Variants in RNF170 observed in about 807,000 individuals in gnomAD.
RNF170 encodes E3 ubiquitin-protein ligase RNF170.
In RNF170, 12 loss-of-function variants were observed where a neutral mutation model predicts 32.7. That is an observed-to-expected ratio of 0.37 (90% confidence interval 0.24 to 0.60). The LOEUF (loss-of-function observed/expected upper bound fraction) is 0.60. Among genes scored for constraint, RNF170 ranks in the 20% least tolerant of loss-of-function variants. RNF170 has a pLI of 0.72. For missense variants in RNF170, 212 were observed against 311.2 expected, an observed-to-expected ratio of 0.68 and a Z score of 2.40; for synonymous variants, 91 against 103.6, an observed-to-expected ratio of 0.88 and a Z score of 0.74.
Position 42,853,648 on chromosome 8 carries a change from G to A in RNF170, c.*2511C>T, listed in dbSNP as rs778109233. 17 of 1,285,390 alleles carry A rather than the reference G, an allele frequency of 1.3e-5. No individual in the cohort carries two copies. In the East Asian group the frequency reaches 7.8e-4, roughly 59 times the overall value. 79.6% of individuals were successfully genotyped at this position (1,285,390 alleles called of 1,614,324 possible). ...TCCAAATTGTTACTTTGATTTATAT[G>A]ATCTAACTCTGAATCACGGAAGTAT... On this transcript the variant is annotated 3_prime_UTR_variant, in exon 7 of 7. Coordinates refer to ENST00000527424, the MANE Select transcript of RNF170 (RefSeq NM_030954.4).
chr8:42,854,641 GA>G lies in RNF170; in HGVS notation c.*1517del. Reference sequence around the variant, plus strand: ...GGTAGCTGATCTGATTAGCTAGAGAGAATGTGACAGATTTTCTCCTTATCTC... The same window carrying G: ...GGTAGCTGATCTGATTAGCTAGAGAGATGTGACAGATTTTCTCCTTATCTC... On this transcript the variant is annotated 3_prime_UTR_variant, in exon 7 of 7. Coordinates refer to ENST00000527424, the MANE Select transcript of RNF170 (RefSeq NM_030954.4). The G allele has an allele frequency of 7.8e-7, 1 of 1,287,062 alleles. No homozygotes were observed. The highest frequency in any genetic ancestry group is 1.0e-6 in the Non-Finnish European group (1 of 988,540). 79.7% of individuals were successfully genotyped at this position (1,287,062 alleles called of 1,614,324 possible). A position where few individuals can be genotyped will look rare whatever the true frequency, so the allele number is the denominator to read the frequency against.
chr8:42,893,619 C>T (rs186075110), intron 1 of RNF170, among the ~76,000 whole-genome samples: 18 of 152,278 alleles, frequency 1.2e-4, no homozygotes, highest in Non-Finnish European at 2.1e-4. Context: ...GAAGGTAAGG[C>T]ATTTAGCATA....
intron 5 of RNF170, among the ~76,000 whole-genome samples, chr8:42,863,297 C>T (rs747545510): frequency 2.0e-5 from 3 of 152,088 alleles, no homozygotes; most frequent in Non-Finnish European, 4.4e-5. Context: ...CTACTGTACA[C>T]ATGTCCTATG....
intron 1 of RNF170, among the ~76,000 whole-genome samples, chr8:42,892,896 A>C (rs1806429790): frequency 6.6e-6 from 1 of 152,100 alleles, no homozygotes; most frequent in Admixed American, 6.6e-5. Flanking sequence ...CTGAGGCATG[A>C]GAATTGCTTG....
chr8:42,873,293 C>CA (rs397891337), intron 3 of RNF170, among the ~76,000 whole-genome samples: 4,176 of 69,832 alleles, frequency 0.06, 105 homozygotes, highest in African/African-American at 0.14. Flanking sequence ...CTCTTTTTTA[C>CA]AAAAAAAAAA....
At chr8:42,859,696 TG>T (rs1396304459) in intron 6 of RNF170, among the ~76,000 whole-genome samples, 5 of 151,994 alleles carry the variant, frequency 3.3e-5, no homozygotes, top group African/African-American at 1.2e-4. Context: ...TCACCCAGGC[TG>T]GAGTGCAGTG....
At chr8:42,863,301 T>C (rs553559020) in intron 5 of RNF170, among the ~76,000 whole-genome samples, 110 of 152,232 alleles carry the variant, frequency 7.2e-4, no homozygotes, top group African/African-American at 2.6e-3. Context: ...TGTACACATG[T>C]CCTATGAAAA....
chr8:42,885,672 T>C (rs187116178), intron 2 of RNF170, among the ~76,000 whole-genome samples: 13 of 152,348 alleles, frequency 8.5e-5, no homozygotes, highest in Admixed American at 5.9e-4. Flanking sequence ...TGATTAGTAA[T>C]GTTGAGCATT....
At position 42,896,592 on chromosome 8, in the gene RNF170, C is replaced by T. The variant is rs1336994486; in HGVS notation, c.-116G>A. 2.2e-6 allele frequency: 1 copy of T among 453,850 alleles called. No homozygotes were observed. Among genetic ancestry groups the T allele is most frequent in the Non-Finnish European group, 4.4e-6 (1 of 226,696 alleles). The allele number at this position is 453,850 out of a possible 1,614,324, so 28.1% of individuals were successfully genotyped here. On this transcript the variant is annotated 5_prime_UTR_variant, in exon 1 of 7. Transcript: ENST00000527424. ...GGGCAACCCACTAGACGTCCCCTTT[C>T]TAATTTGGAGTGCGGGTGCGGGCGC...
At chr8:42,882,013 G>A (rs1487638300) in intron 2 of RNF170, among the ~76,000 whole-genome samples, 1 of 152,084 alleles carries the variant, frequency 6.6e-6, no homozygotes, top group African/African-American at 2.4e-5. Context: ...ACTCAGTAGG[G>A]AAATACAAAT....
chr8:42,851,239 G>A (rs1168860248), downstream of RNF170, among the ~76,000 whole-genome samples: 1 of 152,066 alleles, frequency 6.6e-6, no homozygotes, highest in Non-Finnish European at 1.5e-5. Context: ...TGGTAGAAAT[G>A]CCAGGGCTTG....
At chr8:42,878,275 G>T (rs1805109904) in intron 2 of RNF170, among the ~76,000 whole-genome samples, 1 of 152,170 alleles carries the variant, frequency 6.6e-6, no homozygotes. Flanking sequence ...AAATGATTAA[G>T]CTTTGTGAAA....
chr8:42,856,507 T>G lies in RNF170; in HGVS notation c.508-79A>C, dbSNP rs888191528. Reference sequence around the variant, plus strand: ...AAAATAATATAATTTTCTTACTATATGTAAACATTGTTAAGATGAATTAAG... The same window carrying G: ...AAAATAATATAATTTTCTTACTATAGGTAAACATTGTTAAGATGAATTAAG... On this transcript the variant is annotated intron_variant, in intron 6 of 6. Coordinates refer to ENST00000527424, the MANE Select transcript of RNF170 (RefSeq NM_030954.4). 5.0e-6 allele frequency: 5 copies of G among 1,008,742 alleles called. No individual in the cohort carries two copies. The African/African-American group carries it at 8.2e-5, about 17-fold the overall frequency. 62.5% of individuals were successfully genotyped at this position (1,008,742 alleles called of 1,614,324 possible). A position where few individuals can be genotyped will look rare whatever the true frequency, so the allele number is the denominator to read the frequency against.
intron 1 of RNF170, among the ~76,000 whole-genome samples, chr8:42,892,369 T>G (rs1806373672): frequency 1.3e-5 from 2 of 152,102 alleles, no homozygotes; most frequent in South Asian, 4.1e-4. Flanking sequence ...TTCACCATCT[T>G]GCCCAAGCTG....
At chr8:42,895,167 T>A (rs1806676485) in intron 1 of RNF170, among the ~76,000 whole-genome samples, 1 of 151,824 alleles carries the variant, frequency 6.6e-6, no homozygotes, top group South Asian at 2.1e-4. Flanking sequence ...ATAAGAAAAT[T>A]AGCTGAGCAT....
chr8:42,867,554 T>C (rs1804191338), intron 4 of RNF170, among the ~76,000 whole-genome samples: 1 of 145,400 alleles, frequency 6.9e-6, no homozygotes, highest in Non-Finnish European at 1.5e-5. Flanking sequence ...GGCGGGTGGA[T>C]CACGAGGTCA....
chr8:42,883,155 G>A (rs943998916), intron 2 of RNF170, among the ~76,000 whole-genome samples: 16 of 152,040 alleles, frequency 1.1e-4, no homozygotes, highest in Non-Finnish European at 1.8e-4. Context: ...CTTCAGTGGG[G>A]AGACTGAAAG....
chr8:42,866,585 A>G lies in RNF170; in HGVS notation c.323-1096T>C, dbSNP rs527974753. On this transcript the variant is annotated intron_variant, in intron 4 of 6. Coordinates refer to ENST00000527424, the MANE Select transcript of RNF170 (RefSeq NM_030954.4). ...CTGACAGTGCGAGACTCCGTCTCAG[A>G]AAAAAAAAAAAAAACTAGTACAAGC... Among the ~76,000 whole-genome samples, 52 of 142,898 alleles carry G rather than the reference A, an allele frequency of 3.6e-4. 2 individuals are homozygous for G. The highest frequency in any genetic ancestry group is 5.6e-4 in the Admixed American group (8 of 14,298). The allele number at this position is 142,898 out of a possible 152,430, so 93.7% of individuals were successfully genotyped here. A position where few individuals can be genotyped will look rare whatever the true frequency, so the allele number is the denominator to read the frequency against.
intron 4 of RNF170, among the ~76,000 whole-genome samples, chr8:42,867,269 C>T (rs4524778): frequency 0.077 from 11,652 of 150,478 alleles, 516 homozygotes; most frequent in African/African-American, 0.12. Context: ...GTTGGGAGTT[C>T]GAGACCAGCC....
Sources: gnomAD v4.1 joint callset for allele counts (sites outside exome capture counted in the v4.1 genomes callset) on GRCh38, gnomAD v4.1.1 for gene constraint, MANE v1.5 for transcripts, NCBI Gene and HGNC (gene_info 2026-07-23, HGNC 2026-07-21) for gene names.